The following ONECUT2 variants were observed in gnomAD, a reference collection of about 807,000 sequenced individuals.
ONECUT2 encodes one cut homeobox 2.
In ONECUT2, 10 loss-of-function variants were observed where a neutral mutation model predicts 27.9. The ratio of observed to expected loss-of-function variants is 0.36; its 90% CI spans 0.22 to 0.61. The LOEUF is 0.61. ONECUT2 is among the 20% of genes least tolerant of loss of function. The probability of loss-of-function intolerance (pLI) is 0.73; values close to 1 mark genes in which losing one functional copy is unlikely to be tolerated. For missense variants in ONECUT2, 686 were observed against 721.0 expected, an observed-to-expected ratio of 0.95 and a Z score of 0.56; for synonymous variants, 334 against 315.1, an observed-to-expected ratio of 1.06 and a Z score of -0.64.
chr18:57,485,617 G>T lies in ONECUT2; in HGVS notation c.*8894G>T, dbSNP rs897961170. 11 of 152,284 alleles carry T rather than the reference G, an allele frequency of 7.2e-5. No individual in the cohort carries two copies. Among genetic ancestry groups the T allele is most frequent in the African/African-American group, 2.6e-4 (11 of 41,554 alleles). The allele number at this position is 152,284 out of a possible 1,614,324, so 9.4% of individuals were successfully genotyped here. On this transcript the variant is annotated 3_prime_UTR_variant, in exon 2 of 2. Coordinates refer to ENST00000491143, the MANE Select transcript of ONECUT2 (RefSeq NM_004852.3). ...GCAAAGATCTGCCTCTAGTCCATAT[G>T]GCTCTTTTTGAGTGCTAGTATTTTG...
chr18:57,444,068 A>C (rs1471395924), intron 1 of ONECUT2, among the ~76,000 whole-genome samples: 1 of 152,206 alleles, frequency 6.6e-6, no homozygotes, highest in Non-Finnish European at 1.5e-5. Context: ...AAAGCATCAC[A>C]TTTTTAAAGG....
At chr18:57,446,636 C>G (rs1050651932) in intron 1 of ONECUT2, among the ~76,000 whole-genome samples, 1 of 152,340 alleles carries the variant, frequency 6.6e-6, no homozygotes, top group Admixed American at 6.5e-5. Context: ...CCATTCCCCA[C>G]CCTGCAGATC....
At chr18:57,438,267 T>C (rs2050154709) in intron 1 of ONECUT2, among the ~76,000 whole-genome samples, 1 of 152,222 alleles carries the variant, frequency 6.6e-6, no homozygotes, top group African/African-American at 2.4e-5. Context: ...GGACACACTA[T>C]ACCCTATGGC....
chr18:57,459,787 G>A (rs373001474), intron 1 of ONECUT2, among the ~76,000 whole-genome samples: 66 of 152,272 alleles, frequency 4.3e-4, no homozygotes, highest in East Asian at 3.3e-3. Flanking sequence ...TCGAACTTCT[G>A]ACCTCAGATG....
chr18:57,455,429 A>G (rs979980337), intron 1 of ONECUT2, among the ~76,000 whole-genome samples: 1 of 152,224 alleles, frequency 6.6e-6, no homozygotes, highest in Admixed American at 6.5e-5. Flanking sequence ...ACTTTCAAGC[A>G]TTAATTGTCC....
chr18:57,444,287 G>A (rs1309613099), intron 1 of ONECUT2: 1 of 450,700 alleles, frequency 2.2e-6, no homozygotes, highest in African/African-American at 2.0e-5. Context: ...AGGTTGACTG[G>A]CTCACCAAAT....
At position 57,487,883 on chromosome 18, in the gene ONECUT2, A is replaced by G. The variant is rs35400575; in HGVS notation, c.*11160A>G. On this transcript the variant is annotated 3_prime_UTR_variant, in exon 2 of 2. Coordinates refer to ENST00000491143, the MANE Select transcript of ONECUT2 (RefSeq NM_004852.3). ...ATTGGGCAAACTTGTTCTTTCTTAT[A>G]CTTGGGTTCAAAGACCCATTCTCCA... 1 of 152,178 alleles carries G rather than the reference A, an allele frequency of 6.6e-6. No homozygotes were observed. Among genetic ancestry groups the G allele is most frequent in the African/African-American group, 2.4e-5 (1 of 41,440 alleles). 9.4% of individuals were successfully genotyped at this position (152,178 alleles called of 1,614,324 possible). A position where few individuals can be genotyped will look rare whatever the true frequency, so the allele number is the denominator to read the frequency against.
chr18:57,449,909 CTGG>C (rs1160344045), intron 1 of ONECUT2, among the ~76,000 whole-genome samples: 1 of 152,232 alleles, frequency 6.6e-6, no homozygotes, highest in African/African-American at 2.4e-5. Context: ...CTTGTTGGCT[CTGG>C]TCTTACACTG....
intron 1 of ONECUT2, among the ~76,000 whole-genome samples, chr18:57,463,574 G>T (rs1394544501): frequency 6.6e-6 from 1 of 152,110 alleles, no homozygotes. Context: ...GATCAATATG[G>T]AAAGAATTAA....
chr18:57,458,515 A>G (rs1321144145), intron 1 of ONECUT2, among the ~76,000 whole-genome samples: 3 of 152,252 alleles, frequency 2.0e-5, no homozygotes, highest in Non-Finnish European at 2.9e-5. Flanking sequence ...TTCCTTTGAT[A>G]GTATGCCTAC....
At chr18:57,465,989 G>C (rs759457347) in intron 1 of ONECUT2, among the ~76,000 whole-genome samples, 1 of 152,180 alleles carries the variant, frequency 6.6e-6, no homozygotes, top group East Asian at 1.9e-4. Context: ...ACTGCACATC[G>C]AGGGCTCCTC....
chr18:57,451,526 C>T (rs2050230225), intron 1 of ONECUT2, among the ~76,000 whole-genome samples: 1 of 152,210 alleles, frequency 6.6e-6, no homozygotes, highest in Non-Finnish European at 1.5e-5. Flanking sequence ...AAAGGCTATA[C>T]ACTTCTTTAC....
chr18:57,441,868 G>GGCTCT (rs2050175944), intron 1 of ONECUT2, among the ~76,000 whole-genome samples: 1 of 152,226 alleles, frequency 6.6e-6, no homozygotes, highest in Non-Finnish European at 1.5e-5. Context: ...CCGAGTAGCA[G>GGCTCT]GCTCTGCGCT....
chr18:57,474,833 A>T (rs2050373112), intron 1 of ONECUT2, among the ~76,000 whole-genome samples: 1 of 152,164 alleles, frequency 6.6e-6, no homozygotes, highest in Non-Finnish European at 1.5e-5. Flanking sequence ...GTGCTTTGAG[A>T]AACATAGGAA....
chr18:57,464,236 A>G (rs1039694575), intron 1 of ONECUT2, among the ~76,000 whole-genome samples: 6 of 152,292 alleles, frequency 3.9e-5, no homozygotes, highest in Middle Eastern at 3.4e-3. Context: ...CTGCCTGTCA[A>G]ATAATGAGCA....
chr18:57,463,766 T>C (rs1450980437), intron 1 of ONECUT2, among the ~76,000 whole-genome samples: 1 of 152,172 alleles, frequency 6.6e-6, no homozygotes, highest in Non-Finnish European at 1.5e-5. Context: ...GTTTGATGTG[T>C]TATGGAGAAA....
intron 1 of ONECUT2, among the ~76,000 whole-genome samples, chr18:57,439,746 G>T (rs1186652301): frequency 6.6e-6 from 1 of 152,164 alleles, no homozygotes; most frequent in Non-Finnish European, 1.5e-5. Flanking sequence ...TCCGCAGGCG[G>T]CTCGGCCGGA....
At chr18:57,453,227 C>A (rs2050240702) in intron 1 of ONECUT2, among the ~76,000 whole-genome samples, 1 of 152,190 alleles carries the variant, frequency 6.6e-6, no homozygotes, top group South Asian at 2.1e-4. Context: ...CAGTTGCTGT[C>A]ATTTGCACAT....
Position 57,435,861 on chromosome 18 carries a change from G to C in ONECUT2, c.145G>C (p.Gly49Arg). 2.0e-6 allele frequency: 2 copies of C among 1,010,738 alleles called. No homozygotes were observed. The highest frequency in any genetic ancestry group is 2.4e-6 in the Non-Finnish European group (2 of 845,484). The allele number at this position is 1,010,738 out of a possible 1,614,324, so 62.6% of individuals were successfully genotyped here. The change falls in exon 1 of 2, where the codon GGG becomes CGG. Residue 49 changes from glycine to arginine, a missense_variant. By Grantham distance (125) the Gly-to-Arg change is moderately radical. Coordinates refer to ENST00000491143, the MANE Select transcript of ONECUT2 (RefSeq NM_004852.3). ...TGGCGGGGGCGGCGGCGGGGGCGGC[G>C]GGGGCGGCGGCGGGGGCCCGGGCCA... ...GSGGGGGGGG[G>R]GGGGGPGHEQ...
Sources: gnomAD v4.1 joint callset for allele counts (sites outside exome capture counted in the v4.1 genomes callset) on GRCh38, gnomAD v4.1.1 for gene constraint, MANE v1.5 for transcripts, NCBI Gene and HGNC (gene_info 2026-07-23, HGNC 2026-07-21) for gene names.